The following KLHL22 variants were observed in gnomAD, a reference collection of about 807,000 sequenced individuals.
KLHL22 encodes the protein kelch like family member 22.
Under a neutral mutation model 60.7 loss-of-function variants are expected in KLHL22, and 18 were observed. The observed-to-expected ratio is 0.30, with a 90% confidence interval of 0.20 to 0.44. The LOEUF is 0.44. Ranked by LOEUF, KLHL22 falls within the 20% of genes least tolerant of loss-of-function variation. The pLI, the probability that KLHL22 is intolerant of heterozygous loss-of-function variation, is 1.00. For synonymous variants in KLHL22, 355 were observed against 354.5 expected, an observed-to-expected ratio of 1.00 and a Z score of -0.01; for missense variants, 596 against 852.3, an observed-to-expected ratio of 0.70 and a Z score of 3.74.
chr22:20,476,197 C>T (rs1225781596), intron 2 of KLHL22, among the ~76,000 whole-genome samples: 1 of 152,150 alleles, frequency 6.6e-6, no homozygotes, highest in African/African-American at 2.4e-5. Flanking sequence ...CATTTCACTC[C>T]ATGCATGGCC....
intron 2 of KLHL22, among the ~76,000 whole-genome samples, chr22:20,476,405 ATTTTTTTTTTT>A (rs57189584): frequency 2.3e-3 from 161 of 69,368 alleles, no homozygotes; most frequent in African/African-American, 8.4e-3. Context: ...ATTGACACAG[ATTTTTTTTTTT>A]TTTTTTTTTT....
intron 4 of KLHL22, among the ~76,000 whole-genome samples, chr22:20,460,335 G>A (rs776490093): frequency 2.0e-5 from 3 of 152,138 alleles, no homozygotes. Flanking sequence ...AGGGCCGGGC[G>A]TGGTGGCTCA....
chr22:20,462,276 C>CA (rs361908), intron 4 of KLHL22, among the ~76,000 whole-genome samples: 80,397 of 114,458 alleles, frequency 0.7, 28,048 homozygotes, highest in African/African-American at 0.85. Context: ...GACTCTGTCT[C>CA]AAAAAAAAAA....
intron 2 of KLHL22, among the ~76,000 whole-genome samples, 184 bp from the exon 3 acceptor site, chr22:20,471,699 C>T (rs116594942): frequency 6.4e-4 from 97 of 152,258 alleles, no homozygotes; most frequent in African/African-American, 2.2e-3. Context: ...AGGATCCTGA[C>T]GAAGTCTGGG....
At chr22:20,476,499 G>GC (rs1569139705) in intron 2 of KLHL22, among the ~76,000 whole-genome samples, 2 of 133,898 alleles carry the variant, frequency 1.5e-5, no homozygotes, top group Admixed American at 8.8e-5. Flanking sequence ...TGCAGGTTCC[G>GC]CCCCCCGGGG....
intron 2 of KLHL22, among the ~76,000 whole-genome samples, chr22:20,485,940 G>A (rs1182155490): frequency 1.3e-5 from 2 of 151,696 alleles, no homozygotes; most frequent in Non-Finnish European, 1.5e-5. Context: ...AGGCCAAGGA[G>A]GGCAAATCAC....
rs1188352000 is a variant in KLHL22, at chr22:20,465,289, C to A, written c.681G>T (p.Val227=). The change falls in exon 4 of 7, where the codon GTG becomes GTT. Residue 227 remains valine (V), a synonymous_variant. Transcript: ENST00000328879. The surrounding 1 kb of genome is among the most constrained non-coding windows in gnomAD (Gnocchi z 4.9). The part of the protein sequence containing the change: ...ALLYHYSLEQ[V]QADQISLHEP... ...CGTGCAGCGAGATCTGGTCAGCCTG[C>A]ACCTGCTCCAGGCTATAATGGTAGA... is the stretch of plus-strand genomic sequence containing the variant. The A allele has an allele frequency of 6.2e-7, 1 of 1,613,986 alleles. No individual in the cohort carries two copies. Among genetic ancestry groups the A allele is most frequent in the Non-Finnish European group, 8.5e-7 (1 of 1,180,036 alleles).
At chr22:20,455,346 G>A (rs919915102) in intron 5 of KLHL22, among the ~76,000 whole-genome samples, 1 of 152,146 alleles carries the variant, frequency 6.6e-6, no homozygotes, top group African/African-American at 2.4e-5. Flanking sequence ...AATGACCCAG[G>A]GCCAGCCTCG....
chr22:20,479,365 G>T (rs980090857), intron 2 of KLHL22, among the ~76,000 whole-genome samples: 1 of 152,058 alleles, frequency 6.6e-6, no homozygotes, highest in African/African-American at 2.4e-5. Context: ...CCATTAGGAT[G>T]ACCACTATAA....
intron 4 of KLHL22, among the ~76,000 whole-genome samples, chr22:20,459,386 C>A (rs2053117660): frequency 6.6e-6 from 1 of 152,184 alleles, no homozygotes; most frequent in African/African-American, 2.4e-5. Context: ...GCAGGGCCAA[C>A]AAGAGAGGGA....
intron 4 of KLHL22, 113 bp downstream of exon 4, chr22:20,464,745 C>T: frequency 1.5e-6 from 1 of 669,734 alleles, no homozygotes. Context: ...TCCACAATGG[C>T]AAGTGATGCT....
At chr22:20,453,817 C>A (rs2053018701) in intron 5 of KLHL22, among the ~76,000 whole-genome samples, 1 of 152,154 alleles carries the variant, frequency 6.6e-6, no homozygotes, top group African/African-American at 2.4e-5. Flanking sequence ...TCATTGCAAC[C>A]TCTGCCTCCT....
chr22:20,494,253 C>A (rs1293224088), intron 1 of KLHL22, among the ~76,000 whole-genome samples: 4 of 152,164 alleles, frequency 2.6e-5, no homozygotes, highest in African/African-American at 9.7e-5. Flanking sequence ...CACCTGTAGT[C>A]CTGGCTATCT....
At chr22:20,483,276 C>T (rs900951998) in intron 2 of KLHL22, 8 of 700,942 alleles carry the variant, frequency 1.1e-5, no homozygotes, top group Non-Finnish European at 2.1e-5. Context: ...CTGTGGTGCT[C>T]TCCTCAATCT....
intron 5 of KLHL22, chr22:20,451,473 C>T (rs879170764): frequency 1.9e-6 from 3 of 1,599,902 alleles, no homozygotes; most frequent in Non-Finnish European, 2.6e-6. Context: ...ATACAGGACA[C>T]TGGACTAATG....
intron 2 of KLHL22, 50 bp downstream of exon 2, chr22:20,488,935 G>A: frequency 1.3e-6 from 2 of 1,562,720 alleles, no homozygotes; most frequent in Non-Finnish European, 8.7e-7. Context: ...TACTAGCAGA[G>A]CCAGGATTAC....
At chr22:20,446,704 G>A (rs748617145) in intron 5 of KLHL22, 28 bp from the exon 6 acceptor site, 18 of 1,573,454 alleles carry the variant, frequency 1.1e-5, no homozygotes, top group South Asian at 3.3e-5. Context: ...GAGAAATGGC[G>A]TGAGAGGGCA....
intron 1 of KLHL22, 89 bp from the exon 2 acceptor site, chr22:20,489,333 C>T (rs1387517018): frequency 4.5e-6 from 4 of 888,952 alleles, no homozygotes; most frequent in Non-Finnish European, 7.1e-6. Flanking sequence ...GCTCCCCTTG[C>T]TCCTGTGCCT....
intron 4 of KLHL22, among the ~76,000 whole-genome samples, chr22:20,458,502 A>C (rs546802443): frequency 7.5e-5 from 10 of 132,612 alleles, no homozygotes; most frequent in African/African-American, 2.9e-4. Flanking sequence ...TGGGATATGG[A>C]CTTAGGCAAT....
Sources: gnomAD v4.1 joint callset for allele counts (sites outside exome capture counted in the v4.1 genomes callset) on GRCh38, gnomAD v4.1.1 for gene constraint, Gnocchi (gnomAD v3.1) non-coding constraint, MANE v1.5 for transcripts, NCBI Gene and HGNC (gene_info 2026-07-23, HGNC 2026-07-21) for gene names.